CGN: variants seen among roughly 807,000 people sequenced by gnomAD.
The protein encoded by CGN is cingulin.
Under a neutral mutation model 157.1 loss-of-function variants are expected in CGN, and 121 were observed. The ratio of observed to expected loss-of-function variants is 0.77; its 90% CI spans 0.66 to 0.90. The LOEUF (loss-of-function observed/expected upper bound fraction) is 0.90, where lower values mean the gene tolerates loss of function less well. Ranked by LOEUF, CGN falls within the 40% of genes least tolerant of loss-of-function variation. The pLI is 0.00. For missense variants in CGN, 1,424 were observed against 1,520.9 expected (o/e 0.94, Z 1.06); for synonymous variants, 535 against 607.5 (o/e 0.88, Z 1.76).
rs555924887 is a variant in CGN, at chr1:151,536,791, G to C, written c.3368G>C (p.Arg1123Pro). The C allele has an allele frequency of 6.2e-7, 1 of 1,614,130 alleles. No homozygotes were observed. The highest frequency in any genetic ancestry group is 8.5e-7 in the Non-Finnish European group (1 of 1,180,024). The change falls in exon 20 of 21, where the codon CGA (arginine) becomes CCA (proline). Residue 1123 changes from arginine to proline, a missense_variant. Arg to Pro is a moderately radical substitution (Grantham distance 103). Around this residue, in one of 3 missense-constraint regions of CGN, gnomAD observed 199 missense variants for 272.2 expected, o/e 0.73. Coordinates refer to ENST00000271636, the MANE Select transcript of CGN (RefSeq NM_020770.3). ...QVDEAEEEIE[R>P]LDGLRKKAQR... The stretch of plus-strand genomic sequence containing the variant: ...GATGAAGCAGAAGAGGAAATTGAGC[G>C]ACTGGACGGCCTGAGGAAGAAGGCC...
Position 151,524,370 on chromosome 1 carries a change from G to A in CGN, c.1401+12G>A, listed in dbSNP as rs1483823917. ...AGGTGTTACTGAAGGTAGGGTCTGG[G>A]GTCATATGCCCCAGCCTCTGCTTTT... is the stretch of plus-strand genomic sequence containing the variant. On this transcript the variant is annotated intron_variant, in intron 7 of 20. Coordinates refer to ENST00000271636, the MANE Select transcript of CGN (RefSeq NM_020770.3). The surrounding 1 kb of genome is among the most constrained non-coding windows in gnomAD (Gnocchi z 4.4). 1.2e-6 allele frequency: 2 copies of A among 1,613,222 alleles called. No homozygotes were observed. Among genetic ancestry groups the A allele is most frequent in the Non-Finnish European group, 1.7e-6 (2 of 1,179,712 alleles).
rs1664616123 is a variant in CGN, at chr1:151,524,260, G to A, written c.1303G>A (p.Glu435Lys). The A allele has an allele frequency of 6.2e-7, 1 of 1,614,180 alleles. No individual in the cohort carries two copies. The highest frequency in any genetic ancestry group is 1.1e-5 in the South Asian group (1 of 91,070). ...CATGAAGCGCCTCTTGGACCAGGGT[G>A]AAGATTTACGACATGGGCTGGAGAC... ...QNMKRLLDQGEDLRHGLETQV... is the reference protein window; with the variant it reads ...QNMKRLLDQGKDLRHGLETQV... Residue 435 changes from glutamate to lysine, a missense_variant, in exon 7 of 21, where the codon GAA (glutamate) becomes AAA (lysine). Physicochemically the swap from Glu to Lys is moderately conservative, Grantham distance 56 (BLOSUM62 1). Around this residue, in one of 3 missense-constraint regions of CGN, gnomAD observed 1,187 missense variants for 1,217.6 expected, o/e 0.97. Coordinates refer to ENST00000271636, the MANE Select transcript of CGN (RefSeq NM_020770.3). The surrounding 1 kb of genome is among the most constrained non-coding windows in gnomAD (Gnocchi z 4.4).
chr1:151,529,930 G>A lies in CGN; in HGVS notation c.2128G>A (p.Glu710Lys). ...TTAGGCTAAGATGGTGGCCGAGGCA[G>A]AGGCAACAGTGCTGGGGCAGCGGCG... Reference protein sequence around the residue: ...ASKAKMVAEAEATVLGQRRAA... With the variant: ...ASKAKMVAEAKATVLGQRRAA... Residue 710 changes from glutamate (E) to lysine (K), a missense_variant, in exon 12 of 21, where the codon GAG (glutamate) becomes AAG (lysine). Coordinates refer to ENST00000271636, the MANE Select transcript of CGN (RefSeq NM_020770.3). 3.7e-6 allele frequency: 6 copies of A among 1,613,966 alleles called. No homozygotes were observed. The highest frequency in any genetic ancestry group is 4.2e-6 in the Non-Finnish European group (5 of 1,179,916).
chr1:151,518,858 C>T lies in CGN; in HGVS notation c.339C>T (p.Ala113=). Residue 113 remains alanine, a synonymous_variant, in exon 2 of 21, where the codon GCC becomes GCT. Coordinates refer to ENST00000271636, the MANE Select transcript of CGN (RefSeq NM_020770.3). ...ACTCTCAGGTCAAGGGATTTCCTGC[C>T]CCCTCGCAGAGCAGCACATCTGATG... The part of the protein sequence containing the change: ...NPYSQVKGFP[A]PSQSSTSDEE... 6 of 1,613,956 alleles carry T rather than the reference C, an allele frequency of 3.7e-6. No homozygotes were observed. Among genetic ancestry groups the T allele is most frequent in the Non-Finnish European group, 5.1e-6 (6 of 1,179,904 alleles).
chr1:151,517,704 G>T lies in CGN; in HGVS notation c.-14-802G>T, dbSNP rs150936768. 4.6e-3 allele frequency among the ~76,000 whole-genome samples: 697 copies of T among 152,120 alleles called. 4 individuals carry two copies. Among genetic ancestry groups the T allele is most frequent in the African/African-American group, 0.016 (666 of 41,492 alleles). On this transcript the variant is annotated intron_variant, in intron 1 of 20. Coordinates refer to ENST00000271636, the MANE Select transcript of CGN (RefSeq NM_020770.3). ...TTTTTGTATTATTAGTAGAGACAAGGTTTCACCGTGTTGGTCAGGCTGGTC... is the reference window on the plus strand; with the variant it reads ...TTTTTGTATTATTAGTAGAGACAAGTTTTCACCGTGTTGGTCAGGCTGGTC...
chr1:151,536,682 C>T (rs1329335299), intron 19 of CGN, 48 bp from the exon 20 acceptor site: 2 of 1,591,616 alleles, frequency 1.3e-6, no homozygotes, highest in South Asian at 2.2e-5. Context: ...GGTCCCAGGC[C>T]ATGGTAGTAG....
intron 15 of CGN, 49 bp downstream of exon 15, chr1:151,534,185 C>T: frequency 2.0e-6 from 3 of 1,517,504 alleles, no homozygotes; most frequent in South Asian, 2.5e-5. Flanking sequence ...GACTTCCAAG[C>T]CTCTTTCTGT....
intron 14 of CGN, among the ~76,000 whole-genome samples, chr1:151,532,966 C>T (rs1664873982): frequency 1.3e-5 from 2 of 152,078 alleles, no homozygotes; most frequent in African/African-American, 4.8e-5. Context: ...CCCTGGGGCC[C>T]AGGTTTAGGT....
In CGN at chr1:151,520,213, A is replaced by G; in HGVS notation, c.921A>G (p.Pro307=). 6.2e-7 allele frequency: 1 copy of G among 1,612,214 alleles called. No individual in the cohort carries two copies. Among genetic ancestry groups the G allele is most frequent in the Non-Finnish European group, 8.5e-7 (1 of 1,179,568 alleles). Residue 307 remains proline (P), a synonymous_variant, in exon 3 of 21, where the codon CCA becomes CCG. Coordinates refer to ENST00000271636, the MANE Select transcript of CGN (RefSeq NM_020770.3). ...TTCGAGACCAGCAGGAGGCAGCCCC[A>G]CCAGGCAGTGTGGACCATATGAAGG... ...DLLRDQQEAA[P]PGSVDHMKAT... is the part of the protein sequence containing the mutation.
At chr1:151,513,346 C>T (rs1233173279) in intron 1 of CGN, among the ~76,000 whole-genome samples, 10 of 152,188 alleles carry the variant, frequency 6.6e-5, no homozygotes, top group Non-Finnish European at 1.2e-4. Context: ...GCAGCTGTAG[C>T]CTGGCTCTCA....
intron 10 of CGN, among the ~76,000 whole-genome samples, chr1:151,528,567 C>A (rs1261317788): frequency 6.6e-6 from 1 of 152,068 alleles, no homozygotes; most frequent in Non-Finnish European, 1.5e-5. Flanking sequence ...CAGGCACACA[C>A]CACCACGCCC....
chr1:151,535,277 G>A (rs1012253050), intron 16 of CGN, 146 bp downstream of exon 16: 2 of 684,164 alleles, frequency 2.9e-6, no homozygotes, highest in African/African-American at 1.8e-5. Context: ...TGTCTGCTTT[G>A]GGAAAGGTTG....
chr1:151,535,030 C>CTTCT lies in CGN; in HGVS notation c.2905-11_2905-8dup. ...AGCATTTGGGACAGAATTACTTGTT[C>CTTCT]TTCTGTCCTAGGAAAAAGTCTCACG... is the stretch of plus-strand genomic sequence containing the variant. On this transcript the variant is annotated splice_polypyrimidine_tract_variant and intron_variant, in intron 15 of 20. Coordinates refer to ENST00000271636, the MANE Select transcript of CGN (RefSeq NM_020770.3). 2 of 1,597,226 alleles carry CTTCT rather than the reference C, an allele frequency of 1.3e-6. No homozygotes were observed. Among genetic ancestry groups the CTTCT allele is most frequent in the South Asian group, 1.1e-5 (1 of 90,588 alleles).
At chr1:151,525,592 G>C (rs760133423) in intron 8 of CGN, 50 bp from the exon 9 acceptor site, 1 of 1,467,910 alleles carries the variant, frequency 6.8e-7, no homozygotes, top group South Asian at 1.5e-5. Flanking sequence ...TTGATTTGAA[G>C]TGACCTCTTC....
chr1:151,538,469 A>G lies in CGN; in HGVS notation c.*1123A>G, dbSNP rs982166183. On this transcript the variant is annotated 3_prime_UTR_variant, in exon 21 of 21. Transcript: ENST00000271636. ...CTCCTTTGGATTTTGGGGAGAACCA[A>G]GCCCTGGTAGGGAAGAGGTAAGGGG... The G allele has an allele frequency of 4.6e-5, 7 of 152,224 alleles. No homozygotes were observed. Among genetic ancestry groups the G allele is most frequent in the African/African-American group, 1.7e-4 (7 of 41,454 alleles). The allele number at this position is 152,224 out of a possible 1,614,324, so 9.4% of individuals were successfully genotyped here. A position where few individuals can be genotyped will look rare whatever the true frequency, so the allele number is the denominator to read the frequency against.
At chr1:151,536,089 C>T in intron 18 of CGN, 148 bp from the exon 19 acceptor site, 1 of 713,218 alleles carries the variant, frequency 1.4e-6, no homozygotes, top group Non-Finnish European at 2.5e-6. Flanking sequence ...TGACGTCACT[C>T]TCCCTCATTC....
intron 15 of CGN, 61 bp from the exon 16 acceptor site, chr1:151,534,981 T>G (rs1664924551): frequency 8.4e-7 from 1 of 1,195,114 alleles, no homozygotes; most frequent in African/African-American, 1.5e-5. Flanking sequence ...AGGCTCCTGG[T>G]CTGAGTTTGG....
intron 14 of CGN, among the ~76,000 whole-genome samples, chr1:151,533,680 G>C (rs886757106): frequency 2.0e-5 from 3 of 151,938 alleles, no homozygotes; most frequent in Admixed American, 6.6e-5. Context: ...TGTAGTCCCA[G>C]CTACTCGGGA....
At chr1:151,529,842 C>T (rs1332002185) in intron 11 of CGN, 67 bp from the exon 12 acceptor site, 6 of 1,465,520 alleles carry the variant, frequency 4.1e-6, no homozygotes, top group South Asian at 3.7e-5. Flanking sequence ...GGTCAATGGC[C>T]CCAAGCCCTG....
Sources: gnomAD v4.1 joint callset for allele counts (sites outside exome capture counted in the v4.1 genomes callset) on GRCh38, gnomAD v4.1.1 for gene constraint, gnomAD v4.1.1 regional missense constraint, Gnocchi (gnomAD v3.1) non-coding constraint, MANE v1.5 for transcripts, NCBI Gene and HGNC (gene_info 2026-07-23, HGNC 2026-07-21) for gene names.